C8orf34: variants seen among roughly 807,000 people sequenced by gnomAD.
The protein encoded by C8orf34 is chromosome 8 open reading frame 34.
A neutral mutation model predicts 68.3 loss-of-function variants in C8orf34; 65 were observed. The ratio of observed to expected loss-of-function variants is 0.95; its 90% CI spans 0.78 to 1.17. The LOEUF is 1.17. Ranked by LOEUF, C8orf34 falls within the 50% of genes most tolerant of loss-of-function variation. C8orf34 has a pLI of 0.00. For synonymous variants in C8orf34, 244 were observed against 241.2 expected, an observed-to-expected ratio of 1.01 and a Z score of -0.11; for missense variants, 664 against 655.4, an observed-to-expected ratio of 1.01 and a Z score of -0.14.
chr8:68,717,048 C>T (rs1821494213), intron 9 of C8orf34, among the ~76,000 whole-genome samples: 1 of 151,838 alleles, frequency 6.6e-6, no homozygotes, highest in African/African-American at 2.4e-5. Context: ...TTGAAGATTT[C>T]CGTGGTGTGA....
chr8:68,812,536 T>A (rs902277274), intron 12 of C8orf34, among the ~76,000 whole-genome samples: 7 of 152,160 alleles, frequency 4.6e-5, no homozygotes, highest in Admixed American at 1.3e-4. Context: ...AACTTTAAAA[T>A]TTTTTTTAAG....
At chr8:68,522,689 C>T (rs957571716) in intron 6 of C8orf34, among the ~76,000 whole-genome samples, 2 of 151,820 alleles carry the variant, frequency 1.3e-5, no homozygotes, top group Non-Finnish European at 2.9e-5. Flanking sequence ...TTTGTAATAC[C>T]AGTTGCAACG....
At chr8:68,373,470 C>T (rs773326537) in intron 1 of C8orf34, among the ~76,000 whole-genome samples, 14 of 152,220 alleles carry the variant, frequency 9.2e-5, no homozygotes, top group East Asian at 1.9e-4. Flanking sequence ...ATGATTGAAC[C>T]GGTTTGTCCC....
intron 1 of C8orf34, among the ~76,000 whole-genome samples, chr8:68,340,538 G>A (rs181860062): frequency 5.3e-5 from 8 of 152,164 alleles, no homozygotes; most frequent in Admixed American, 5.2e-4. Flanking sequence ...GAATAATAAG[G>A]AAATACTAGG....
chr8:68,617,033 C>T (rs1410436210), intron 7 of C8orf34, among the ~76,000 whole-genome samples: 1 of 152,090 alleles, frequency 6.6e-6, no homozygotes, highest in Non-Finnish European at 1.5e-5. Context: ...ATCTCTTTAC[C>T]ATTATGTAAT....
At chr8:68,651,114 G>A (rs1819345499) in intron 8 of C8orf34, among the ~76,000 whole-genome samples, 1 of 152,136 alleles carries the variant, frequency 6.6e-6, no homozygotes, top group Non-Finnish European at 1.5e-5. Flanking sequence ...TTATCGAGAG[G>A]CGGATTTCCT....
intron 7 of C8orf34, among the ~76,000 whole-genome samples, chr8:68,589,069 C>T (rs907635154): frequency 6.6e-5 from 10 of 152,234 alleles, no homozygotes; most frequent in Admixed American, 1.3e-4. Flanking sequence ...TAGGCTAATT[C>T]CCAAGGCTAT....
intron 9 of C8orf34, among the ~76,000 whole-genome samples, chr8:68,713,801 TATTACCTTAATGCC>T (rs1362955173): frequency 6.6e-6 from 1 of 152,028 alleles, no homozygotes; most frequent in Non-Finnish European, 1.5e-5. Flanking sequence ...ATGAAGCCAA[TATTACCTTAATGCC>T]AAAACCAGGG....
chr8:68,708,295 A>T (rs757749129), intron 8 of C8orf34, among the ~76,000 whole-genome samples: 5 of 152,232 alleles, frequency 3.3e-5, no homozygotes, highest in Non-Finnish European at 7.3e-5. Context: ...TTGAATTTGT[A>T]GAAGTCAAAA....
At chr8:68,383,367 C>G (rs979692892) in intron 1 of C8orf34, among the ~76,000 whole-genome samples, 3 of 152,194 alleles carry the variant, frequency 2.0e-5, no homozygotes, top group African/African-American at 7.2e-5. Context: ...CTTCAGATCC[C>G]TGTGATGGTG....
intron 12 of C8orf34, among the ~76,000 whole-genome samples, chr8:68,807,267 A>G (rs550531812): frequency 6.6e-6 from 1 of 152,328 alleles, no homozygotes; most frequent in South Asian, 2.1e-4. Flanking sequence ...AAGAATTTGA[A>G]GACTATGTTT....
chr8:68,436,414 G>A (rs764612207), intron 1 of C8orf34, among the ~76,000 whole-genome samples: 1 of 152,126 alleles, frequency 6.6e-6, no homozygotes, highest in Non-Finnish European at 1.5e-5. Flanking sequence ...GCCTGTGAGT[G>A]CACAGAGTAT....
At position 68,531,659 on chromosome 8, in the gene C8orf34, G is replaced by A. The variant is rs116422430; in HGVS notation, c.939-1324G>A. Among the ~76,000 whole-genome samples, 976 of 152,168 alleles carry A rather than the reference G, an allele frequency of 6.4e-3. 15 individuals carry two copies. The highest frequency in any genetic ancestry group is 0.022 in the African/African-American group (910 of 41,502). ...AGATTTTTCCAGTGTAAAGGTATCA[G>A]TTGCCCTTTCTAATTAACAAGTCGT... On this transcript the variant is annotated intron_variant, in intron 6 of 13. Coordinates refer to ENST00000518698, the MANE Select transcript of C8orf34 (RefSeq NM_052958.4).
chr8:68,813,650 G>A (rs779490784), intron 12 of C8orf34, among the ~76,000 whole-genome samples: 7 of 151,924 alleles, frequency 4.6e-5, no homozygotes, highest in Non-Finnish European at 8.8e-5. Flanking sequence ...TCTCTCCATT[G>A]CCCTGTGCCA....
intron 5 of C8orf34, among the ~76,000 whole-genome samples, chr8:68,516,035 C>A (rs942520377): frequency 6.6e-6 from 1 of 152,142 alleles, no homozygotes; most frequent in South Asian, 2.1e-4. Flanking sequence ...GTTTGTGTAA[C>A]AGAATTGTGT....
intron 1 of C8orf34, among the ~76,000 whole-genome samples, chr8:68,397,548 A>G (rs1208976744): frequency 6.6e-6 from 1 of 152,148 alleles, no homozygotes. Context: ...AAATATTCCA[A>G]AGTATATGGT....
At chr8:68,522,074 T>G in intron 6 of C8orf34, 103 bp downstream of exon 6, 1 of 1,085,564 alleles carries the variant, frequency 9.2e-7, no homozygotes, top group Non-Finnish European at 1.3e-6. Flanking sequence ...TTTAGTAATT[T>G]TTTATAGAAA....
intron 12 of C8orf34, among the ~76,000 whole-genome samples, 188 bp from the exon 13 acceptor site, chr8:68,815,698 G>A (rs1824789787): frequency 6.6e-6 from 1 of 152,026 alleles, no homozygotes; most frequent in Non-Finnish European, 1.5e-5. Context: ...ACTGAATAAT[G>A]GAATGAAGAT....
At chr8:68,434,243 G>T (rs1005144112) in intron 1 of C8orf34, among the ~76,000 whole-genome samples, 5 of 152,100 alleles carry the variant, frequency 3.3e-5, no homozygotes, top group African/African-American at 1.2e-4. Context: ...CATCATGTAG[G>T]TTTTAAGTCC....
Sources: allele counts gnomAD v4.1 joint callset (sites outside exome capture counted in the v4.1 genomes callset), GRCh38; gene constraint gnomAD v4.1.1; transcripts MANE v1.5; gene names NCBI Gene and HGNC (gene_info 2026-07-23, HGNC 2026-07-21).